Variants in GRIP1 observed in about 807,000 individuals in gnomAD.
The protein encoded by GRIP1 is glutamate receptor-interacting protein 1.
Under a neutral mutation model 129.9 loss-of-function variants are expected in GRIP1, and 45 were observed. That is an observed-to-expected ratio of 0.35 (90% CI 0.27 to 0.44). The LOEUF (loss-of-function observed/expected upper bound fraction) is 0.44, where lower values mean the gene tolerates loss of function less well. Among genes scored for constraint, GRIP1 ranks in the 20% least tolerant of loss-of-function variants. The pLI is 1.00. For synonymous variants in GRIP1, 530 were observed against 520.8 expected, an observed-to-expected ratio of 1.02 and a Z score of -0.24; for missense variants, 1,196 against 1,396.8, an observed-to-expected ratio of 0.86 and a Z score of 2.29.
chr12:66,456,040 A>T, intron 10 of GRIP1, 147 bp downstream of exon 10: 1 of 429,696 alleles, frequency 2.3e-6, no homozygotes, highest in Non-Finnish European at 4.2e-6. Flanking sequence ...ATGGAAAAGA[A>T]AAAAACCTAG....
intron 7 of GRIP1, among the ~76,000 whole-genome samples, chr12:66,498,709 A>G (rs2060307276): frequency 6.6e-6 from 1 of 151,886 alleles, no homozygotes; most frequent in Non-Finnish European, 1.5e-5. Context: ...CAAAAAAAAA[A>G]TGTATTTGAG....
intron 1 of GRIP1, among the ~76,000 whole-genome samples, chr12:66,836,549 G>A (rs936537057): frequency 6.6e-6 from 1 of 151,178 alleles, no homozygotes; most frequent in Non-Finnish European, 1.5e-5. Context: ...TAAATTTAGA[G>A]AGAAAATACA....
chr12:66,350,444 G>A (rs1039928497), intron 24 of GRIP1, among the ~76,000 whole-genome samples: 1 of 152,144 alleles, frequency 6.6e-6, no homozygotes, highest in African/African-American at 2.4e-5. Flanking sequence ...AGGTTGCAGT[G>A]AGCCAAGATC....
intron 1 of GRIP1, among the ~76,000 whole-genome samples, chr12:66,997,685 C>A (rs1171015035): frequency 6.6e-6 from 1 of 152,218 alleles, no homozygotes; most frequent in Middle Eastern, 3.4e-3. Context: ...GAAACCAATG[C>A]AAATGAATTG....
At chr12:67,045,169 T>A (rs1055837219) in intron 1 of GRIP1, among the ~76,000 whole-genome samples, 1 of 152,090 alleles carries the variant, frequency 6.6e-6, no homozygotes, top group Non-Finnish European at 1.5e-5. Flanking sequence ...ATAATCAAGA[T>A]TCCCAAGTTA....
intron 1 of GRIP1, among the ~76,000 whole-genome samples, chr12:66,817,263 T>C (rs950274679): frequency 6.6e-6 from 1 of 151,356 alleles, no homozygotes. Context: ...TCCCACGGAC[T>C]ATTTCATTTT....
intron 1 of GRIP1, among the ~76,000 whole-genome samples, chr12:66,892,737 G>C (rs576467590): frequency 5.3e-5 from 8 of 152,166 alleles, no homozygotes; most frequent in Admixed American, 2.0e-4. Context: ...CAAGGCAGGA[G>C]GACTGCTTGA....
intron 1 of GRIP1, among the ~76,000 whole-genome samples, chr12:66,611,162 C>A (rs1295769140): frequency 1.3e-5 from 2 of 152,068 alleles, no homozygotes; most frequent in African/African-American, 4.8e-5. Flanking sequence ...TGTGCATTAC[C>A]TGAATATCAT....
chr12:66,803,305 G>A (rs1202362309), intron 1 of GRIP1, among the ~76,000 whole-genome samples: 1 of 152,186 alleles, frequency 6.6e-6, no homozygotes, highest in Non-Finnish European at 1.5e-5. Flanking sequence ...CATAAACTCA[G>A]TGATCTCTGT....
chr12:66,354,005 C>T (rs2054357029), intron 23 of GRIP1, among the ~76,000 whole-genome samples: 1 of 152,144 alleles, frequency 6.6e-6, no homozygotes. Flanking sequence ...GCACAGTGCT[C>T]GGCGTATCCT....
In GRIP1 at chr12:66,646,600, G is replaced by A. The variant is rs758794526; in HGVS notation, c.55+32250C>T. Among the ~76,000 whole-genome samples the A allele has an allele frequency of 5.9e-5, 9 of 152,160 alleles. No homozygotes were observed. The South Asian group carries it at 6.2e-4, about 11-fold the overall frequency. On this transcript the variant is annotated intron_variant, in intron 1 of 24. Coordinates refer to ENST00000359742, the MANE Select transcript of GRIP1 (RefSeq NM_001366722.1). ...CATAAGAGAGGTACTGCTTTCCTTC[G>A]TTTTCAGTTTTACTTGATTAAACAA...
intron 1 of GRIP1, among the ~76,000 whole-genome samples, chr12:66,920,382 C>A (rs1185850252): frequency 1.3e-5 from 2 of 152,106 alleles, no homozygotes; most frequent in Non-Finnish European, 2.9e-5. Flanking sequence ...TTGCCATCAA[C>A]CTGATTAAAA....
chr12:66,756,317 C>A (rs146107727), intron 1 of GRIP1, among the ~76,000 whole-genome samples: 17 of 152,276 alleles, frequency 1.1e-4, no homozygotes, highest in African/African-American at 3.8e-4. Flanking sequence ...CCTTTTCCTT[C>A]ATCTCACTGG....
intron 1 of GRIP1, among the ~76,000 whole-genome samples, chr12:66,973,922 T>C (rs1469067157): frequency 1.4e-5 from 2 of 140,700 alleles, no homozygotes; most frequent in East Asian, 3.9e-4. Context: ...TTCTTTTCTT[T>C]TTTTTTTTTT....
intron 1 of GRIP1, among the ~76,000 whole-genome samples, chr12:66,906,476 T>A (rs1210990508): frequency 6.6e-6 from 1 of 152,082 alleles, no homozygotes; most frequent in East Asian, 1.9e-4. Flanking sequence ...TTTCCCACTT[T>A]CTCTTATTAT....
At chr12:66,774,699 T>C (rs1442666649) in intron 1 of GRIP1, among the ~76,000 whole-genome samples, 1 of 152,160 alleles carries the variant, frequency 6.6e-6, no homozygotes, top group Non-Finnish European at 1.5e-5. Context: ...GGAAATATCA[T>C]TCCAGTAAGA....
chr12:67,023,370 A>G (rs374487485), intron 1 of GRIP1, among the ~76,000 whole-genome samples: 29 of 152,186 alleles, frequency 1.9e-4, no homozygotes, highest in African/African-American at 5.8e-4. Context: ...TTTCCACACC[A>G]TTTGTTAAAA....
chr12:66,579,981 G>T (rs1475443482), intron 2 of GRIP1, among the ~76,000 whole-genome samples: 3 of 147,968 alleles, frequency 2.0e-5, no homozygotes, highest in African/African-American at 7.5e-5. Flanking sequence ...TGAAATGAAG[G>T]AAAAAATGTT....
At chr12:66,467,451 T>C (rs2059317786) in intron 7 of GRIP1, among the ~76,000 whole-genome samples, 3 of 152,248 alleles carry the variant, frequency 2.0e-5, no homozygotes, top group Admixed American at 6.5e-5. Flanking sequence ...TTGTGCGTCC[T>C]GCCTTACTCT....
Sources: allele counts gnomAD v4.1 joint callset (sites outside exome capture counted in the v4.1 genomes callset), GRCh38; gene constraint gnomAD v4.1.1; transcripts MANE v1.5; gene names NCBI Gene and HGNC (gene_info 2026-07-23, HGNC 2026-07-21).